MAGT1: variants seen among roughly 807,000 people sequenced by gnomAD.
MAGT1 encodes the protein magnesium transporter 1.
In MAGT1, 4 loss-of-function variants were observed where a neutral mutation model predicts 28.4. That is an observed-to-expected ratio of 0.14 (90% CI 0.07 to 0.32). The LOEUF (loss-of-function observed/expected upper bound fraction) is 0.32. Ranked by LOEUF, MAGT1 falls within the 10% of genes least tolerant of loss-of-function variation. The pLI, the probability that MAGT1 is intolerant of heterozygous loss-of-function variation, is 1.00. For synonymous variants in MAGT1, 89 were observed against 89.7 expected (o/e 0.99, Z 0.04); for missense variants, 193 against 264.5 (o/e 0.73, Z 1.88).
At position 77,853,904 on chromosome X, in the gene MAGT1, A is replaced by G; in HGVS notation, c.823T>C (p.Phe275Leu). The change falls in exon 7 of 10, where the codon TTT (phenylalanine) becomes CTT (leucine). Residue 275 changes from phenylalanine to leucine, a missense_variant. Transcript: ENST00000618282. ...FVAETHIVLLFNGGVTLGMVL... is the reference protein window; with the variant it reads ...FVAETHIVLLLNGGVTLGMVL... ...AAGACTTATTGTAAAAGGATACTAAACAGAAGAACAATGTGTGTTTCAGCT... is the reference window on the plus strand; with the variant it reads ...AAGACTTATTGTAAAAGGATACTAAGCAGAAGAACAATGTGTGTTTCAGCT... The G allele has an allele frequency of 8.3e-7, 1 of 1,198,036 alleles. No homozygotes were observed. Among genetic ancestry groups the G allele is most frequent in the African/African-American group, 1.7e-5 (1 of 57,634 alleles).
intron 7 of MAGT1, among the ~76,000 whole-genome samples, chrX:77,847,985 A>T (rs2076957068): frequency 9.0e-6 from 1 of 111,424 alleles, no homozygotes; most frequent in African/African-American, 3.3e-5. Context: ...CTCTGGGGAA[A>T]GCTTGTCTTT....
At chrX:77,891,273 G>A (rs1197215230) in intron 1 of MAGT1, among the ~76,000 whole-genome samples, 1 of 110,526 alleles carries the variant, frequency 9.0e-6, no homozygotes, top group Non-Finnish European at 1.9e-5. Context: ...GTGCTTCTAT[G>A]AGCAAGCCCC....
In MAGT1 at chrX:77,860,090, GT is replaced by G. The variant is rs1336780268; in HGVS notation, c.391-2594del. On this transcript the variant is annotated intron_variant, in intron 3 of 9. Coordinates refer to ENST00000618282, the MANE Select transcript of MAGT1 (RefSeq NM_001367916.1). Reference sequence around the variant, plus strand: ...AAATTAGTTATCTGAAAACATCTTTGTTTTTTTTTCTTGAGAAGGAGTCTCA... The same window carrying G: ...AAATTAGTTATCTGAAAACATCTTTGTTTTTTTTCTTGAGAAGGAGTCTCA... Among the ~76,000 whole-genome samples, 46 of 109,652 alleles carry G rather than the reference GT, an allele frequency of 4.2e-4. 1 individual carries two copies. Among genetic ancestry groups the G allele is most frequent in the South Asian group, 3.8e-4 (1 of 2,628 alleles).
intron 7 of MAGT1, among the ~76,000 whole-genome samples, chrX:77,848,917 C>G (rs782000182): frequency 9.2e-6 from 1 of 109,115 alleles, no homozygotes; most frequent in Non-Finnish European, 1.9e-5. Context: ...AGGAGGCTGA[C>G]GTGGGAGGAC....
chrX:77,858,383 G>C (rs1557216179), intron 3 of MAGT1, among the ~76,000 whole-genome samples: 1 of 110,344 alleles, frequency 9.1e-6, no homozygotes, highest in Non-Finnish European at 1.9e-5. Flanking sequence ...TAGAGACAGG[G>C]GTTCACCATG....
intron 7 of MAGT1, among the ~76,000 whole-genome samples, chrX:77,841,851 A>T (rs201729363): frequency 1.2e-5 from 1 of 80,044 alleles, no homozygotes; most frequent in Admixed American, 1.7e-4. Flanking sequence ...AAATTCTGTA[A>T]TTTTTTTTTT....
chrX:77,893,886 G>C (rs1488915547), intron 1 of MAGT1, among the ~76,000 whole-genome samples: 5 of 108,975 alleles, frequency 4.6e-5, no homozygotes, highest in Non-Finnish European at 7.6e-5. Context: ...CTGGGCAACA[G>C]AGCGAGACCC....
intron 6 of MAGT1, 59 bp downstream of exon 6, chrX:77,855,442 G>T: frequency 3.6e-6 from 3 of 827,165 alleles, no homozygotes; most frequent in Non-Finnish European, 5.5e-6. Context: ...TTCTCACAGG[G>T]TAATAATCAT....
chrX:77,870,604 A>T (rs893092028), intron 3 of MAGT1, among the ~76,000 whole-genome samples: 11 of 111,645 alleles, frequency 9.9e-5, no homozygotes, highest in Non-Finnish European at 1.3e-4. Flanking sequence ...TATGTTATTT[A>T]AATACTACTC....
chrX:77,835,491 A>G (rs2076914378), intron 8 of MAGT1, among the ~76,000 whole-genome samples: 1 of 111,493 alleles, frequency 9.0e-6, no homozygotes, highest in Non-Finnish European at 1.9e-5. Flanking sequence ...TGTTGGGGGG[A>G]ATGTAAGTTA....
chrX:77,841,544 A>G (rs782819040), intron 7 of MAGT1, among the ~76,000 whole-genome samples: 22 of 112,224 alleles, frequency 2.0e-4, no homozygotes, highest in African/African-American at 6.1e-4. Context: ...GCAAAGAAAA[A>G]TTGATATTTT....
chrX:77,827,380 C>T lies in MAGT1; in HGVS notation c.*1840G>A, dbSNP rs1339854685. 9.0e-6 allele frequency: 1 copy of T among 110,835 alleles called. No homozygotes were observed. The highest frequency in any genetic ancestry group is 3.3e-5 in the African/African-American group (1 of 30,618). 9.1% of individuals were successfully genotyped at this position (110,835 alleles called of 1,213,427 possible). On this transcript the variant is annotated 3_prime_UTR_variant, in exon 10 of 10. Transcript: ENST00000618282. ...TCGAGAAACGCTTAATTTCTATATA[C>T]AGGCATCAGCTCAATATTTTATGAT...
In MAGT1 at chrX:77,853,907, G is replaced by A. The variant is rs1557215730; in HGVS notation, c.820C>T (p.Leu274=). ...QFVAETHIVL[L]FNGGVTLGMV... Reference sequence around the variant, plus strand: ...ACTTATTGTAAAAGGATACTAAACAGAAGAACAATGTGTGTTTCAGCTACA... The same window carrying A: ...ACTTATTGTAAAAGGATACTAAACAAAAGAACAATGTGTGTTTCAGCTACA... The change falls in exon 7 of 10, where the codon CTG becomes TTG. Residue 274 remains leucine, a synonymous_variant. Transcript: ENST00000618282. The A allele has an allele frequency of 8.3e-7, 1 of 1,202,219 alleles. No homozygotes were observed. Among genetic ancestry groups the A allele is most frequent in the East Asian group, 3.0e-5 (1 of 33,777 alleles).
chrX:77,880,718 G>A (rs2077049481), intron 1 of MAGT1, among the ~76,000 whole-genome samples: 1 of 110,091 alleles, frequency 9.1e-6, no homozygotes, highest in Admixed American at 9.9e-5. Flanking sequence ...AACACTTTGG[G>A]AGGCTGAAGT....
At chrX:77,855,340 C>G (rs2076978946) in intron 6 of MAGT1, among the ~76,000 whole-genome samples, 161 bp downstream of exon 6, 1 of 111,186 alleles carries the variant, frequency 9.0e-6, no homozygotes, top group African/African-American at 3.3e-5. Flanking sequence ...AAAAAAAGAG[C>G]ACTGCATGGT....
chrX:77,842,818 C>T (rs1557214528), intron 7 of MAGT1, among the ~76,000 whole-genome samples: 2 of 110,138 alleles, frequency 1.8e-5, no homozygotes, highest in African/African-American at 6.6e-5. Context: ...CAGAACAAGA[C>T]TCCATCTCAA....
At chrX:77,844,862 A>C (rs1212579998) in intron 7 of MAGT1, among the ~76,000 whole-genome samples, 1 of 111,633 alleles carries the variant, frequency 9.0e-6, no homozygotes, top group African/African-American at 3.3e-5. Flanking sequence ...CTTTACTTCC[A>C]ACTATGTGGT....
At chrX:77,857,533 A>G in intron 3 of MAGT1, 36 bp from the exon 4 acceptor site, 1 of 1,197,821 alleles carries the variant, frequency 8.3e-7, no homozygotes, top group Non-Finnish European at 1.1e-6. Context: ...ATACATTATC[A>G]GGAAAATAAT....
chrX:77,885,524 A>G (rs1557218932), intron 1 of MAGT1: 2 of 103,958 alleles, frequency 1.9e-5, no homozygotes, highest in Non-Finnish European at 2.0e-5. Flanking sequence ...CTCTGTCTCA[A>G]AAAAAAAAAA....
Sources: gnomAD v4.1 joint callset for allele counts (sites outside exome capture counted in the v4.1 genomes callset) on GRCh38, gnomAD v4.1.1 for gene constraint, MANE v1.5 for transcripts, NCBI Gene and HGNC (gene_info 2026-07-23, HGNC 2026-07-21) for gene names.